The following PKN2 variants were observed in gnomAD, a reference collection of about 807,000 sequenced individuals.
The protein encoded by PKN2 is protein kinase N2.
Under a neutral mutation model 119.1 loss-of-function variants are expected in PKN2, and 38 were observed. That is an observed-to-expected ratio of 0.32 (90% CI 0.25 to 0.42). PKN2 has a LOEUF of 0.42. PKN2 is among the 10% of genes least tolerant of loss of function. The pLI, the probability that PKN2 is intolerant of heterozygous loss-of-function variation, is 1.00. For synonymous variants in PKN2, 390 were observed against 384.9 expected (o/e 1.01, Z -0.15); for missense variants, 850 against 1,165.1 (o/e 0.73, Z 3.94).
chr1:88,785,640 C>CT (rs1387668768), intron 7 of PKN2, among the ~76,000 whole-genome samples: 2 of 152,170 alleles, frequency 1.3e-5, no homozygotes. Flanking sequence ...AGATGTATAA[C>CT]TGGGGGGAAA....
rs1181864478 is a variant in PKN2 at position 88,805,421 on chromosome 1, A to C, written c.1502-76A>C. On this transcript the variant is annotated intron_variant, in intron 10 of 21. Transcript: ENST00000370521. ...CTTCGTAGATTATAAACTAATGGAT[A>C]AGAATTTTTAAATTATGACTTTTGG... 3.2e-6 allele frequency: 4 copies of C among 1,266,932 alleles called. No individual in the cohort carries two copies. In the African/African-American group the frequency reaches 6.0e-5, roughly 19 times the overall value. The allele number at this position is 1,266,932 out of a possible 1,614,324, so 78.5% of individuals were successfully genotyped here.
intron 15 of PKN2, among the ~76,000 whole-genome samples, chr1:88,813,211 G>A (rs561232903): frequency 1.4e-4 from 22 of 151,994 alleles, no homozygotes; most frequent in African/African-American, 4.6e-4. Flanking sequence ...TTCAAAGTAC[G>A]CTTTAAATTG....
intron 15 of PKN2, among the ~76,000 whole-genome samples, chr1:88,810,528 T>A (rs1240060056): frequency 6.6e-6 from 1 of 152,232 alleles, no homozygotes; most frequent in African/African-American, 2.4e-5. Context: ...AAATATTTAC[T>A]TTCCACTTCC....
At chr1:88,739,305 C>T (rs1251892687) in intron 1 of PKN2, among the ~76,000 whole-genome samples, 1 of 82,542 alleles carries the variant, frequency 1.2e-5, no homozygotes, top group African/African-American at 7.6e-5. Context: ...AATCCCATCT[C>T]TACCAGAAAA....
At chr1:88,820,180 C>CTA (rs397980752) in intron 16 of PKN2, among the ~76,000 whole-genome samples, 101 of 70,656 alleles carry the variant, frequency 1.4e-3, no homozygotes, top group East Asian at 2.0e-3. Context: ...TTTCAGAAAC[C>CTA]TATATATATA....
intron 2 of PKN2, among the ~76,000 whole-genome samples, chr1:88,752,685 T>TC (rs1325457427): frequency 6.6e-6 from 1 of 152,194 alleles, no homozygotes; most frequent in Admixed American, 6.5e-5. Context: ...AAGTATTTTT[T>TC]GCCTTAAAGT....
intron 6 of PKN2, chr1:88,781,196 A>G: frequency 7.9e-7 from 1 of 1,263,566 alleles, no homozygotes; most frequent in South Asian, 1.3e-5. Context: ...TTTTCACTGC[A>G]TGCTATTATT....
chr1:88,725,684 T>C (rs1667868347), intron 1 of PKN2, among the ~76,000 whole-genome samples: 1 of 152,248 alleles, frequency 6.6e-6, no homozygotes, highest in Non-Finnish European at 1.5e-5. Context: ...TATTATGGTA[T>C]GCACTTAGCA....
chr1:88,741,958 TTC>T (rs1668594813), intron 2 of PKN2, among the ~76,000 whole-genome samples: 1 of 152,082 alleles, frequency 6.6e-6, no homozygotes, highest in Non-Finnish European at 1.5e-5. Flanking sequence ...ACCCACCTCT[TTC>T]TTTCTTAGAC....
chr1:88,771,366 T>C, intron 4 of PKN2, 55 bp from the exon 5 acceptor site: 6 of 1,388,364 alleles, frequency 4.3e-6, no homozygotes, highest in Non-Finnish European at 6.0e-6. Context: ...TTTTAATCAC[T>C]GCAAATTGGA....
chr1:88,706,747 T>G lies in PKN2; in HGVS notation c.48+22119T>G, dbSNP rs576865364. ...GACAATAATGGTTTTCCTTCTTTTT[T>G]TAGCATCATTGCACAGTTTTTGATA... is the stretch of plus-strand genomic sequence containing the variant. On this transcript the variant is annotated intron_variant, in intron 1 of 21. Coordinates refer to ENST00000370521, the MANE Select transcript of PKN2 (RefSeq NM_006256.4). Among the ~76,000 whole-genome samples the G allele has an allele frequency of 4.6e-5, 7 of 152,296 alleles. No individual in the cohort carries two copies. In the South Asian group the frequency reaches 1.2e-3, roughly 27 times the overall value.
chr1:88,786,307 A>G (rs905781063), intron 8 of PKN2, 94 bp downstream of exon 8: 1 of 594,080 alleles, frequency 1.7e-6, no homozygotes. Context: ...TGTATTCTTA[A>G]CAAGAATAAA....
At position 88,797,432 on chromosome 1, in the gene PKN2, A is replaced by G. The variant is rs144108693; in HGVS notation, c.1282-6959A>G. Among the ~76,000 whole-genome samples, 292 of 151,668 alleles carry G rather than the reference A, an allele frequency of 1.9e-3. 10 individuals are homozygous for G. In the East Asian group the frequency reaches 0.048, roughly 25 times the overall value. ...GCTCAGGTGGGCGGATCACGAGGTCAAGAGATCAAGACCATCCTTGCCAAC... is the reference window on the plus strand; with the variant it reads ...GCTCAGGTGGGCGGATCACGAGGTCGAGAGATCAAGACCATCCTTGCCAAC... On this transcript the variant is annotated intron_variant, in intron 8 of 21. Transcript: ENST00000370521.
chr1:88,685,446 T>A (rs987439811), intron 1 of PKN2, among the ~76,000 whole-genome samples: 8 of 152,184 alleles, frequency 5.3e-5, no homozygotes, highest in African/African-American at 1.9e-4. Flanking sequence ...GCACCACATG[T>A]CTGCAAAAGA....
At chr1:88,693,362 C>T (rs560655271) in intron 1 of PKN2, among the ~76,000 whole-genome samples, 3 of 152,158 alleles carry the variant, frequency 2.0e-5, no homozygotes, top group Non-Finnish European at 4.4e-5. Context: ...ATCCTAAATA[C>T]AGTTTTTGTC....
At chr1:88,693,033 G>A (rs1362992459) in intron 1 of PKN2, among the ~76,000 whole-genome samples, 1 of 152,156 alleles carries the variant, frequency 6.6e-6, no homozygotes. Context: ...CACATGCTAG[G>A]CACCCAAATG....
intron 17 of PKN2, among the ~76,000 whole-genome samples, chr1:88,823,171 G>A (rs1425233508): frequency 6.6e-6 from 1 of 152,128 alleles, no homozygotes; most frequent in Non-Finnish European, 1.5e-5. Context: ...AGTGAGCCGT[G>A]ATTATGCCAC....
intron 1 of PKN2, among the ~76,000 whole-genome samples, chr1:88,690,393 T>C (rs1455144459): frequency 6.6e-6 from 1 of 152,240 alleles, no homozygotes; most frequent in Non-Finnish European, 1.5e-5. Context: ...CATTATTCCC[T>C]CATAAAATAT....
rs149679773 is a variant in PKN2 at position 88,806,806 on chromosome 1, G to A, written c.1804-507G>A. Among the ~76,000 whole-genome samples the A allele has an allele frequency of 3.0e-3, 451 of 152,138 alleles. 4 individuals are homozygous for A. The highest frequency in any genetic ancestry group is 0.01 in the African/African-American group (429 of 41,496). On this transcript the variant is annotated intron_variant, in intron 12 of 21. Coordinates refer to ENST00000370521, the MANE Select transcript of PKN2 (RefSeq NM_006256.4). ...ATGATCTTGGCTCACTGCAACCTCC[G>A]CCTCCTGGGTTCAAGTGATTCCACT... is the stretch of plus-strand genomic sequence containing the variant.
Sources: gnomAD v4.1 joint callset for allele counts (sites outside exome capture counted in the v4.1 genomes callset) on GRCh38, gnomAD v4.1.1 for gene constraint, MANE v1.5 for transcripts, NCBI Gene and HGNC (gene_info 2026-07-23, HGNC 2026-07-21) for gene names.